Variants in PLEKHA5 observed in about 807,000 individuals in gnomAD.
PLEKHA5 encodes pleckstrin homology domain containing A5.
PLEKHA5 carries 55 observed loss-of-function variants against 181.9 expected under a neutral mutation model. The observed-to-expected ratio is 0.30, with a 90% CI of 0.24 to 0.38. The LOEUF is 0.38. PLEKHA5 is among the 10% of genes least tolerant of loss of function. PLEKHA5 has a pLI of 1.00. For missense variants in PLEKHA5, 1,432 were observed against 1,549.5 expected, an observed-to-expected ratio of 0.92 and a Z score of 1.27; for synonymous variants, 535 against 529.4, an observed-to-expected ratio of 1.01 and a Z score of -0.15.
chr12:19,228,259 C>T (rs904060305), intron 3 of PLEKHA5, among the ~76,000 whole-genome samples: 4 of 152,208 alleles, frequency 2.6e-5, no homozygotes, highest in African/African-American at 9.6e-5. Flanking sequence ...CTAATACTCA[C>T]AACCTTTCAG....
At chr12:19,164,714 T>G (rs2043863242) in intron 3 of PLEKHA5, among the ~76,000 whole-genome samples, 1 of 152,134 alleles carries the variant, frequency 6.6e-6, no homozygotes, top group Non-Finnish European at 1.5e-5. Context: ...CCTTGCTTGC[T>G]TATATCCTTA....
At chr12:19,134,166 A>AG (rs887193385) in intron 3 of PLEKHA5, among the ~76,000 whole-genome samples, 1 of 152,174 alleles carries the variant, frequency 6.6e-6, no homozygotes, top group Non-Finnish European at 1.5e-5. Context: ...CTAAGCTGTT[A>AG]GGAAGACATT....
intron 9 of PLEKHA5, 109 bp from the exon 10 acceptor site, chr12:19,270,079 T>G: frequency 1.4e-6 from 1 of 708,228 alleles, no homozygotes; most frequent in Non-Finnish European, 2.2e-6. Context: ...ACCACCTACA[T>G]TTTTATTCCA....
chr12:19,263,816 TG>T (rs1244974893), intron 7 of PLEKHA5, among the ~76,000 whole-genome samples: 1 of 152,082 alleles, frequency 6.6e-6, no homozygotes. Context: ...AGGAAGGAAA[TG>T]GCAGAGACAA....
At chr12:19,247,018 G>A (rs556473284) in intron 3 of PLEKHA5, among the ~76,000 whole-genome samples, 19 of 152,110 alleles carry the variant, frequency 1.2e-4, no homozygotes, top group African/African-American at 3.6e-4. Context: ...CACTTTATGC[G>A]TTTATTTTCA....
chr12:19,305,837 G>A (rs1412790578), intron 15 of PLEKHA5, among the ~76,000 whole-genome samples: 2 of 90,246 alleles, frequency 2.2e-5, no homozygotes, highest in Non-Finnish European at 4.3e-5. Context: ...TCCAGCCTGG[G>A]GCAACAACAG....
At chr12:19,159,072 T>G (rs2042396038) in intron 3 of PLEKHA5, among the ~76,000 whole-genome samples, 1 of 152,222 alleles carries the variant, frequency 6.6e-6, no homozygotes, top group East Asian at 1.9e-4. Context: ...TTTTAACTTT[T>G]GCTGGGCACA....
chr12:19,334,534 C>T (rs2093165708), intron 20 of PLEKHA5, among the ~76,000 whole-genome samples: 1 of 152,044 alleles, frequency 6.6e-6, no homozygotes, highest in South Asian at 2.1e-4. Context: ...ACCCTCTTAG[C>T]CACTGGGCTG....
chr12:19,224,199 C>T (rs901803513), intron 3 of PLEKHA5, among the ~76,000 whole-genome samples: 1 of 152,114 alleles, frequency 6.6e-6, no homozygotes. Context: ...TGTTAGAAAA[C>T]TATAGCTATT....
intron 3 of PLEKHA5, chr12:19,236,906 C>CA (rs896363548): frequency 2.7e-4 from 41 of 152,166 alleles, no homozygotes; most frequent in African/African-American, 9.7e-4. Context: ...TGTATTTCCT[C>CA]AGTGCTTCAT....
At chr12:19,279,965 A>G (rs1475863877) in intron 11 of PLEKHA5, among the ~76,000 whole-genome samples, 2 of 151,724 alleles carry the variant, frequency 1.3e-5, no homozygotes, top group Admixed American at 6.6e-5. Context: ...AATAGACACA[A>G]ATTATGCCGG....
chr12:19,342,766 G>C (rs2094038822), intron 21 of PLEKHA5, among the ~76,000 whole-genome samples: 1 of 151,966 alleles, frequency 6.6e-6, no homozygotes, highest in African/African-American at 2.4e-5. Flanking sequence ...GACAGAGCAA[G>C]ACTCTGTCTC....
chr12:19,224,935 A>G (rs956771365), intron 3 of PLEKHA5, among the ~76,000 whole-genome samples: 6 of 152,140 alleles, frequency 3.9e-5, no homozygotes, highest in African/African-American at 1.4e-4. Context: ...CAGGAGGTCA[A>G]GGCTATAGTG....
intron 3 of PLEKHA5, among the ~76,000 whole-genome samples, chr12:19,247,847 C>G (rs1021450559): frequency 1.3e-5 from 2 of 151,216 alleles, no homozygotes; most frequent in African/African-American, 4.9e-5. Flanking sequence ...GTAAATATGA[C>G]CTGTTTTCTT....
chr12:19,359,673 A>C, intron 28 of PLEKHA5, 127 bp downstream of exon 28: 6 of 991,986 alleles, frequency 6.0e-6, no homozygotes, highest in Non-Finnish European at 8.8e-6. Flanking sequence ...ATGAAAAAAT[A>C]AGCTTTCTGG....
At chr12:19,355,344 C>CT (rs756942658) in intron 26 of PLEKHA5, among the ~76,000 whole-genome samples, 4,755 of 93,958 alleles carry the variant, frequency 0.051, 294 homozygotes, top group African/African-American at 0.082. Context: ...TATGGCTAGT[C>CT]TTTTTTTTTT....
At chr12:19,371,217 G>A (rs889021101) in intron 31 of PLEKHA5, 1 of 152,274 alleles carries the variant, frequency 6.6e-6, no homozygotes, top group African/African-American at 2.4e-5. Context: ...ATGTTGCCCA[G>A]GCTGATCTCA....
At chr12:19,278,834 A>G (rs1343047524) in intron 11 of PLEKHA5, among the ~76,000 whole-genome samples, 2 of 152,176 alleles carry the variant, frequency 1.3e-5, no homozygotes, top group East Asian at 3.8e-4. Context: ...ATCGAATCGG[A>G]TGGTTGGCCT....
At chr12:19,374,666 AT>A (rs2095669425) in intron 31 of PLEKHA5, among the ~76,000 whole-genome samples, 1 of 141,448 alleles carries the variant, frequency 7.1e-6, no homozygotes, top group African/African-American at 2.7e-5. Context: ...CTCAAAAATA[AT>A]AAGAAGGCCA....
Sources: gnomAD v4.1 joint callset for allele counts (sites outside exome capture counted in the v4.1 genomes callset) on GRCh38, gnomAD v4.1.1 for gene constraint, MANE v1.5 for transcripts, NCBI Gene and HGNC (gene_info 2026-07-23, HGNC 2026-07-21) for gene names.